NRXN3: variants seen among roughly 807,000 people sequenced by gnomAD.
The protein encoded by NRXN3 is neurexin III.
In NRXN3, 32 loss-of-function variants were observed where a neutral mutation model predicts 137.6. The ratio of observed to expected loss-of-function variants is 0.23; its 90% CI spans 0.18 to 0.31. NRXN3 has a LOEUF of 0.31. Among genes scored for constraint, NRXN3 ranks in the 10% least tolerant of loss-of-function variants. The pLI, the probability that NRXN3 is intolerant of heterozygous loss-of-function variation, is 1.00. For synonymous variants in NRXN3, 798 were observed against 784.5 expected (o/e 1.02, Z -0.29); for missense variants, 1,574 against 2,062.5 (o/e 0.76, Z 4.59).
intron 15 of NRXN3, among the ~76,000 whole-genome samples, chr14:79,140,047 C>T (rs370941312): frequency 1.3e-5 from 2 of 151,766 alleles, no homozygotes; most frequent in African/African-American, 4.8e-5. Context: ...TCATTTGGAA[C>T]GCTGTATTTG....
In NRXN3 at chr14:79,233,243, G is replaced by A. The variant is rs562961589; in HGVS notation, c.3263-233978G>A. 7.3e-4 allele frequency among the ~76,000 whole-genome samples: 111 copies of A among 152,228 alleles called. 1 individual carries two copies. Among genetic ancestry groups the A allele is most frequent in the Non-Finnish European group, 1.3e-3 (89 of 68,012 alleles). On this transcript the variant is annotated intron_variant, in intron 15 of 20. Transcript: ENST00000335750. ...AGTTTCTAACACTGTTAATCTAGAT[G>A]GAATTCTTTCATCCCTAGCTCATTA... is the stretch of plus-strand genomic sequence containing the variant.
chr14:78,841,656 T>C (rs2099012841), intron 10 of NRXN3, among the ~76,000 whole-genome samples: 1 of 152,140 alleles, frequency 6.6e-6, no homozygotes, highest in South Asian at 2.1e-4. Flanking sequence ...AGTTCATTGT[T>C]TTTTTGTTTT....
intron 15 of NRXN3, among the ~76,000 whole-genome samples, chr14:79,119,270 G>T (rs549373722): frequency 1.3e-5 from 2 of 152,042 alleles, no homozygotes; most frequent in African/African-American, 4.8e-5. Context: ...GATTATATTA[G>T]ATTAATACCA....
intron 15 of NRXN3, among the ~76,000 whole-genome samples, chr14:78,990,296 A>T (rs2153075438): frequency 6.7e-6 from 1 of 150,232 alleles, no homozygotes; most frequent in Non-Finnish European, 1.5e-5. Context: ...CCACCTGGAG[A>T]TTGGACCACG....
intron 8 of NRXN3, among the ~76,000 whole-genome samples, chr14:78,718,941 C>A (rs570561870): frequency 6.6e-6 from 1 of 152,326 alleles, no homozygotes; most frequent in Non-Finnish European, 1.5e-5. Flanking sequence ...ACAGAGGAAA[C>A]AGTCTAGCTG....
chr14:78,244,357 G>C (rs774172900), intron 2 of NRXN3, among the ~76,000 whole-genome samples: 1 of 151,998 alleles, frequency 6.6e-6, no homozygotes, highest in Non-Finnish European at 1.5e-5. Flanking sequence ...TCTAACCTGG[G>C]AGGTGGAGGT....
chr14:79,554,550 T>C (rs2153751857), intron 16 of NRXN3, among the ~76,000 whole-genome samples: 1 of 152,228 alleles, frequency 6.6e-6, no homozygotes, highest in South Asian at 2.1e-4. Context: ...TCTGGGGAAA[T>C]AGCCAGTAGC....
At chr14:79,482,761 G>A (rs2096621144) in intron 16 of NRXN3, among the ~76,000 whole-genome samples, 1 of 151,994 alleles carries the variant, frequency 6.6e-6, no homozygotes, top group African/African-American at 2.4e-5. Context: ...ACCCTCTCTG[G>A]TGGAAAGACT....
At chr14:78,300,586 G>A (rs1354743454) in intron 4 of NRXN3, 3 of 896,506 alleles carry the variant, frequency 3.3e-6, no homozygotes, top group Non-Finnish European at 5.2e-6. Flanking sequence ...GTGTGCTGAT[G>A]TTTGACTCTC....
intron 4 of NRXN3, among the ~76,000 whole-genome samples, chr14:78,567,210 G>A (rs2096844221): frequency 6.6e-6 from 1 of 152,234 alleles, no homozygotes; most frequent in Admixed American, 6.5e-5. Context: ...TGGGGATTCT[G>A]AGCAACCAGG....
chr14:78,325,554 A>AT (rs879546825), intron 4 of NRXN3, among the ~76,000 whole-genome samples: 1 of 152,038 alleles, frequency 6.6e-6, no homozygotes, highest in Non-Finnish European at 1.5e-5. Context: ...TATTATCGTT[A>AT]TTTTTATCAT....
At chr14:79,460,532 A>G (rs1302816498) in intron 15 of NRXN3, among the ~76,000 whole-genome samples, 1 of 152,292 alleles carries the variant, frequency 6.6e-6, no homozygotes, top group East Asian at 1.9e-4. Context: ...CATGTTATCA[A>G]ACAGATTTAA....
At chr14:78,653,871 A>G (rs762140126) in intron 6 of NRXN3, among the ~76,000 whole-genome samples, 1 of 152,198 alleles carries the variant, frequency 6.6e-6, no homozygotes, top group Non-Finnish European at 1.5e-5. Flanking sequence ...CAGTGATGTC[A>G]ATATATCCTT....
At chr14:78,740,698 A>G (rs531758843) in intron 8 of NRXN3, among the ~76,000 whole-genome samples, 1 of 152,208 alleles carries the variant, frequency 6.6e-6, no homozygotes, top group South Asian at 2.1e-4. Flanking sequence ...TTCTCTTTGC[A>G]TGTTGGCTTG....
intron 15 of NRXN3, among the ~76,000 whole-genome samples, chr14:79,232,555 T>C (rs2072437123): frequency 1.3e-5 from 2 of 152,178 alleles, no homozygotes; most frequent in South Asian, 4.1e-4. Context: ...TAGAGTACCA[T>C]CTCTTCCTAC....
At chr14:78,450,845 A>G (rs1454429660) in intron 4 of NRXN3, among the ~76,000 whole-genome samples, 1 of 152,120 alleles carries the variant, frequency 6.6e-6, no homozygotes, top group East Asian at 1.9e-4. Flanking sequence ...GCTGTAAATA[A>G]CTTTCCTCTC....
chr14:79,654,395 T>G (rs1217668321), intron 16 of NRXN3, among the ~76,000 whole-genome samples: 1 of 152,112 alleles, frequency 6.6e-6, no homozygotes, highest in Admixed American at 6.6e-5. Context: ...GGTCAGCAAC[T>G]TTTTCTGTAA....
chr14:79,033,235 A>G (rs2152498943), intron 15 of NRXN3, among the ~76,000 whole-genome samples: 1 of 151,958 alleles, frequency 6.6e-6, no homozygotes, highest in Non-Finnish European at 1.5e-5. Context: ...TCTATCGTAC[A>G]TTTCACACCT....
intron 10 of NRXN3, among the ~76,000 whole-genome samples, chr14:78,899,016 G>C (rs1020671692): frequency 2.0e-5 from 3 of 151,928 alleles, no homozygotes; most frequent in Non-Finnish European, 2.9e-5. Flanking sequence ...TTTGACTGAA[G>C]AACACATTCT....
Sources: allele counts gnomAD v4.1 joint callset (sites outside exome capture counted in the v4.1 genomes callset), GRCh38; gene constraint gnomAD v4.1.1; transcripts MANE v1.5; gene names NCBI Gene and HGNC (gene_info 2026-07-23, HGNC 2026-07-21).